CMA1: variants seen among roughly 807,000 people sequenced by gnomAD.
CMA1 encodes the protein chymase 1, also known as chymase.
A neutral mutation model predicts 18.8 loss-of-function variants in CMA1; 24 were observed. The ratio of observed to expected loss-of-function variants is 1.28; its 90% CI spans 0.92 to 1.80. CMA1 has a LOEUF of 1.80. CMA1 is among the 40% of genes most tolerant of loss of function. The pLI, the probability that CMA1 is intolerant of heterozygous loss-of-function variation, is 0.00. For synonymous variants in CMA1, 152 were observed against 117.0 expected (o/e 1.30, Z -1.93); for missense variants, 421 against 302.8 (o/e 1.39, Z -2.90).
At chr14:24,505,796 T>C in intron 4 of CMA1, 137 bp from the exon 5 acceptor site, 1 of 1,190,558 alleles carries the variant, frequency 8.4e-7, no homozygotes, top group South Asian at 1.5e-5. Flanking sequence ...CTAGTTCTGA[T>C]GCCCCTTCTT....
chr14:24,506,447 G>A (rs2138397948), intron 3 of CMA1, 22 bp downstream of exon 3: 3 of 1,613,580 alleles, frequency 1.9e-6, no homozygotes, highest in Non-Finnish European at 2.5e-6. Flanking sequence ...GAAGTGGAAA[G>A]GGAGAAGAGA....
chr14:24,508,054 TC>T, intron 1 of CMA1, 123 bp downstream of exon 1: 1 of 927,058 alleles, frequency 1.1e-6, no homozygotes, highest in Non-Finnish European at 1.7e-6. Flanking sequence ...AGTGGAAATT[TC>T]CCTCTGGGAC....
intron 2 of CMA1, 124 bp from the exon 3 acceptor site, chr14:24,506,728 C>T: frequency 8.4e-7 from 1 of 1,190,466 alleles, no homozygotes; most frequent in Non-Finnish European, 1.2e-6. Context: ...CTACCCATCT[C>T]CCTTTTCATG....
In CMA1 at chr14:24,505,363, C is replaced by T. The variant is rs573210615; in HGVS notation, c.*153G>A. 14 of 914,082 alleles carry T rather than the reference C, an allele frequency of 1.5e-5. No individual in the cohort carries two copies. In the African/African-American group the frequency reaches 2.1e-4, roughly 14 times the overall value. 56.6% of individuals were successfully genotyped at this position (914,082 alleles called of 1,614,324 possible). On this transcript the variant is annotated 3_prime_UTR_variant, in exon 5 of 5. Coordinates refer to ENST00000250378, the MANE Select transcript of CMA1 (RefSeq NM_001836.5). ...CTCACGACTAGAAGCTGTGTCTTCACTGAGGTTTATTGAGAGTTCTGTGAC... is the reference window on the plus strand; with the variant it reads ...CTCACGACTAGAAGCTGTGTCTTCATTGAGGTTTATTGAGAGTTCTGTGAC...
intron 3 of CMA1, 71 bp from the exon 4 acceptor site, chr14:24,506,353 C>A (rs186171128): frequency 1.3e-6 from 2 of 1,592,216 alleles, no homozygotes; most frequent in African/African-American, 1.3e-5. Flanking sequence ...CAGGGAGGGA[C>A]AGGGTGAGTA....
intron 4 of CMA1, 121 bp downstream of exon 4, chr14:24,505,907 C>G: frequency 2.9e-6 from 4 of 1,371,068 alleles, no homozygotes; most frequent in Non-Finnish European, 4.0e-6. Context: ...CACGGGAGGA[C>G]AGCAATTCCT....
chr14:24,505,372 A>G lies in CMA1; in HGVS notation c.*144T>C. The G allele has an allele frequency of 7.9e-6, 8 of 1,015,098 alleles. No homozygotes were observed. Among genetic ancestry groups the G allele is most frequent in the Non-Finnish European group, 1.2e-5 (8 of 668,014 alleles). The allele number at this position is 1,015,098 out of a possible 1,614,324, so 62.9% of individuals were successfully genotyped here. A position where few individuals can be genotyped will look rare whatever the true frequency, so the allele number is the denominator to read the frequency against. ...AGAAGCTGTGTCTTCACTGAGGTTT[A>G]TTGAGAGTTCTGTGACCTGTAGGAT... is the stretch of plus-strand genomic sequence containing the variant. On this transcript the variant is annotated 3_prime_UTR_variant, in exon 5 of 5. Coordinates refer to ENST00000250378, the MANE Select transcript of CMA1 (RefSeq NM_001836.5).
chr14:24,505,963 C>A, intron 4 of CMA1, 65 bp downstream of exon 4: 1 of 1,580,292 alleles, frequency 6.3e-7, no homozygotes, highest in Non-Finnish European at 8.6e-7. Flanking sequence ...GACCCCATCT[C>A]CTTCTAAGAG....
At chr14:24,506,713 G>T in intron 2 of CMA1, 109 bp from the exon 3 acceptor site, 1 of 1,352,070 alleles carries the variant, frequency 7.4e-7, no homozygotes, top group Non-Finnish European at 1.0e-6. Context: ...CTGGGTCGCC[G>T]GACTCTACCC....
intron 1 of CMA1, 131 bp downstream of exon 1, chr14:24,508,047 G>A: frequency 1.2e-6 from 1 of 864,392 alleles, no homozygotes; most frequent in Non-Finnish European, 1.8e-6. Flanking sequence ...CATCCCAAGT[G>A]GAAATTTCCC....
At chr14:24,507,277 C>G in intron 2 of CMA1, 79 bp downstream of exon 2, 1 of 1,542,430 alleles carries the variant, frequency 6.5e-7, no homozygotes, top group South Asian at 1.1e-5. Flanking sequence ...CCTCTTCAGT[C>G]CCCAGTGCAG....
In CMA1 at chr14:24,507,440, A is replaced by G. The variant is rs1459394785; in HGVS notation, c.125T>C (p.Val42Ala). 1.2e-6 allele frequency: 2 copies of G among 1,614,190 alleles called. No homozygotes were observed. Among genetic ancestry groups the G allele is most frequent in the Admixed American group, 1.7e-5 (1 of 60,024 alleles). Reference sequence around the variant, plus strand: ...AAATTTTGAGGGACCGTTGGAAGTTACAATTTCCAGGTAGGCCATGTAGGG... The same window carrying G: ...AAATTTTGAGGGACCGTTGGAAGTTGCAATTTCCAGGTAGGCCATGTAGGG... Reference protein sequence around the residue: ...SRPYMAYLEIVTSNGPSKFCG... With the variant: ...SRPYMAYLEIATSNGPSKFCG... Residue 42 changes from valine (V) to alanine (A), a missense_variant, in exon 2 of 5, where the codon GTA (valine) becomes GCA (alanine). By Grantham distance (64) the Val-to-Ala change is moderately conservative. Transcript: ENST00000250378.
At chr14:24,506,824 T>C (rs1241575912) in intron 2 of CMA1, among the ~76,000 whole-genome samples, 2 of 152,076 alleles carry the variant, frequency 1.3e-5, no homozygotes, top group African/African-American at 4.8e-5. Context: ...ACCCCTGGAA[T>C]TGCTGGGGAC....
At chr14:24,507,628 A>G (rs995515142) in intron 1 of CMA1, 122 bp from the exon 2 acceptor site, 3 of 1,144,454 alleles carry the variant, frequency 2.6e-6, no homozygotes, top group African/African-American at 3.1e-5. Context: ...TGTTCCGCCC[A>G]TCTTCCCTCT....
chr14:24,507,498 T>C lies in CMA1; in HGVS notation c.67A>G (p.Ile23Val). 1.2e-6 allele frequency: 2 copies of C among 1,613,458 alleles called. No homozygotes were observed. Among genetic ancestry groups the C allele is most frequent in the East Asian group, 2.2e-5 (1 of 44,874 alleles). The part of the protein sequence containing the change: ...LCSRAEAGEI[I>V]GGTECKPHSR... ...TGTGGCTTGCATTCTGTGCCCCCGATGATCTCCCCTGGAACAGAGCACCCC... is the reference window on the plus strand; with the variant it reads ...TGTGGCTTGCATTCTGTGCCCCCGACGATCTCCCCTGGAACAGAGCACCCC... Residue 23 changes from isoleucine to valine, a missense_variant, in exon 2 of 5, where the codon ATC (isoleucine) becomes GTC (valine). Physicochemically the swap from Ile to Val is conservative, Grantham distance 29. Transcript: ENST00000250378.
rs1317335959 is a variant in CMA1, at chr14:24,505,409, C to A, written c.*107G>T. On this transcript the variant is annotated 3_prime_UTR_variant, in exon 5 of 5. Transcript: ENST00000250378. ...GTGACCTGTAGGATACTTCTGGAGGCTTAGGGTTGTGGCTGAGGGACCAAG... is the reference window on the plus strand; with the variant it reads ...GTGACCTGTAGGATACTTCTGGAGGATTAGGGTTGTGGCTGAGGGACCAAG... The A allele has an allele frequency of 1.4e-6, 2 of 1,437,038 alleles. No individual in the cohort carries two copies. Among genetic ancestry groups the A allele is most frequent in the Non-Finnish European group, 9.7e-7 (1 of 1,025,662 alleles). The allele number at this position is 1,437,038 out of a possible 1,614,324, so 89.0% of individuals were successfully genotyped here.
At chr14:24,505,717 G>A in intron 4 of CMA1, 58 bp from the exon 5 acceptor site, 1 of 1,542,908 alleles carries the variant, frequency 6.5e-7, no homozygotes, top group Admixed American at 2.0e-5. Context: ...ACTCCTGTCT[G>A]CCAGCCAGCT....
chr14:24,505,666 G>C lies in CMA1; in HGVS notation c.601-7C>G, dbSNP rs778682089. ...GAGGGCCCCCAGAGTCTCCCTGTAG[G>C]GGGAGGAGAGAGAGAAGAAGGTGAG... On this transcript the variant is annotated splice_polypyrimidine_tract_variant and splice_region_variant and intron_variant, in intron 4 of 4. Coordinates refer to ENST00000250378, the MANE Select transcript of CMA1 (RefSeq NM_001836.5). 34 of 1,596,918 alleles carry C rather than the reference G, an allele frequency of 2.1e-5. 1 individual carries two copies. The highest frequency in any genetic ancestry group is 2.7e-5 in the African/African-American group (2 of 74,296).
chr14:24,505,862 T>C (rs924425016), intron 4 of CMA1, among the ~76,000 whole-genome samples, 166 bp downstream of exon 4: 13 of 152,160 alleles, frequency 8.5e-5, no homozygotes, highest in Non-Finnish European at 1.9e-4. Context: ...CCCAGTGCAG[T>C]AGACTGGAAT....
Sources: gnomAD v4.1 joint callset for allele counts (sites outside exome capture counted in the v4.1 genomes callset) on GRCh38, gnomAD v4.1.1 for gene constraint, MANE v1.5 for transcripts, NCBI Gene and HGNC (gene_info 2026-07-23, HGNC 2026-07-21) for gene names.